The following SEC23IP variants were observed in gnomAD, a reference collection of about 807,000 sequenced individuals.
SEC23IP encodes the protein SEC23-interacting protein.
SEC23IP carries 70 observed loss-of-function variants against 113.4 expected under a neutral mutation model. The observed-to-expected ratio is 0.62, with a 90% CI of 0.51 to 0.75. The LOEUF (loss-of-function observed/expected upper bound fraction) is 0.75, where lower values mean the gene tolerates loss of function less well. Ranked by LOEUF, SEC23IP falls within the 30% of genes least tolerant of loss-of-function variation. The probability of loss-of-function intolerance (pLI) is 0.00; values close to 1 mark genes in which losing one functional copy is unlikely to be tolerated. For missense variants in SEC23IP, 1,160 were observed against 1,204.9 expected (o/e 0.96, Z 0.55); for synonymous variants, 398 against 421.0 (o/e 0.95, Z 0.67).
chr10:119,919,138 C>T (rs1369758565), intron 10 of SEC23IP, among the ~76,000 whole-genome samples: 6 of 151,758 alleles, frequency 4.0e-5, no homozygotes, highest in African/African-American at 1.2e-4. Context: ...GGATTACAGG[C>T]GCCTGCCACC....
rs758298957 is a variant in SEC23IP at position 119,904,288 on chromosome 10, T to G, written c.1101+11T>G. ...AGTGAAAAACTAGAGGTACGGGTGC[T>G]TTATTTCTTTATGAGTTTCTTTAAA... On this transcript the variant is annotated intron_variant, in intron 4 of 18. Coordinates refer to ENST00000369075, the MANE Select transcript of SEC23IP (RefSeq NM_007190.4). 7.4e-6 allele frequency: 12 copies of G among 1,611,306 alleles called. No homozygotes were observed. The South Asian group carries it at 1.3e-4, about 18-fold the overall frequency.
chr10:119,936,097 T>C (rs951982758), intron 18 of SEC23IP, among the ~76,000 whole-genome samples: 1 of 152,230 alleles, frequency 6.6e-6, no homozygotes, highest in African/African-American at 2.4e-5. Context: ...ATAGTTCTTT[T>C]ATTAAAATAC....
chr10:119,895,486 ATG>A (rs892253943), intron 1 of SEC23IP, among the ~76,000 whole-genome samples: 40 of 152,238 alleles, frequency 2.6e-4, no homozygotes, highest in Non-Finnish European at 5.9e-4. Flanking sequence ...ACTGCACAGT[ATG>A]TGTGTATACA....
intron 18 of SEC23IP, among the ~76,000 whole-genome samples, chr10:119,934,796 T>C (rs1191303572): frequency 6.6e-6 from 1 of 152,188 alleles, no homozygotes; most frequent in Non-Finnish European, 1.5e-5. Flanking sequence ...TTAGAGAAAG[T>C]TTTTTGGCTC....
chr10:119,925,456 T>G (rs1855389616), intron 12 of SEC23IP, among the ~76,000 whole-genome samples: 1 of 152,260 alleles, frequency 6.6e-6, no homozygotes, highest in South Asian at 2.1e-4. Flanking sequence ...ATTATTTTTC[T>G]TAAGAATTTT....
rs756330451 is a variant in SEC23IP at position 119,933,097 on chromosome 10, G to A, written c.2851G>A (p.Val951Ile). Residue 951 changes from valine (V) to isoleucine (I), a missense_variant, in exon 17 of 19, where the codon GTT (valine) becomes ATT (isoleucine). Transcript: ENST00000369075. ...MLNGGRRIDY[V>I]LQEKPIESFN... is the part of the protein sequence containing the mutation. Reference sequence around the variant, plus strand: ...AAATGGAGGCCGCCGAATTGACTACGTTCTCCAAGAAAAACCAATAGAGAG... The same window carrying A: ...AAATGGAGGCCGCCGAATTGACTACATTCTCCAAGAAAAACCAATAGAGAG... 6 of 1,613,914 alleles carry A rather than the reference G, an allele frequency of 3.7e-6. No individual in the cohort carries two copies. The highest frequency in any genetic ancestry group is 2.2e-5 in the East Asian group (1 of 44,878).
chr10:119,897,007 G>A (rs1854304127), intron 1 of SEC23IP, among the ~76,000 whole-genome samples: 1 of 152,220 alleles, frequency 6.6e-6, no homozygotes, highest in South Asian at 2.1e-4. Flanking sequence ...TTAAACTGAT[G>A]TGTGTAAATA....
chr10:119,932,368 A>G (rs367953181), intron 16 of SEC23IP, 50 bp downstream of exon 16: 1 of 1,393,708 alleles, frequency 7.2e-7, no homozygotes, highest in Admixed American at 1.9e-5. Flanking sequence ...TCATATGAAC[A>G]TAATACTTAA....
intron 11 of SEC23IP, among the ~76,000 whole-genome samples, 181 bp downstream of exon 11, chr10:119,919,777 A>G (rs1383510816): frequency 6.6e-6 from 1 of 152,232 alleles, no homozygotes. Flanking sequence ...TCTGAGTATG[A>G]TGCAAAATCC....
chr10:119,927,714 C>A lies in SEC23IP; in HGVS notation c.2313+1487C>A, dbSNP rs150512874. Among the ~76,000 whole-genome samples the A allele has an allele frequency of 3.0e-4, 45 of 152,312 alleles. 1 individual carries two copies. In the South Asian group the frequency reaches 8.9e-3, roughly 30 times the overall value. ...TATGAGGTATTAGGGGTTAGGACTT[C>A]AACATAAATGTTTTGTGAGGACACA... On this transcript the variant is annotated intron_variant, in intron 13 of 18. Transcript: ENST00000369075.
intron 14 of SEC23IP, among the ~76,000 whole-genome samples, chr10:119,929,977 G>T (rs1420332837): frequency 1.3e-5 from 2 of 152,104 alleles, no homozygotes; most frequent in Non-Finnish European, 2.9e-5. Context: ...AGAAGATGAA[G>T]AACCTGTCCT....
chr10:119,901,834 G>T (rs1473542104), intron 2 of SEC23IP, among the ~76,000 whole-genome samples: 1 of 152,032 alleles, frequency 6.6e-6, no homozygotes, highest in African/African-American at 2.4e-5. Flanking sequence ...TTGCAGGCCT[G>T]TGCCACCACG....
At chr10:119,908,423 GTCTCAGAATGTGACCTTATT>G (rs1219006322) in intron 4 of SEC23IP, among the ~76,000 whole-genome samples, 12 of 152,148 alleles carry the variant, frequency 7.9e-5, no homozygotes, top group Non-Finnish European at 1.3e-4. Flanking sequence ...AATCCCCAGT[GTCTCAGAATGTGACCTTATT>G]TGGAAATAGG....
intron 2 of SEC23IP, 35 bp downstream of exon 2, chr10:119,898,994 C>T: frequency 6.8e-7 from 1 of 1,467,596 alleles, no homozygotes; most frequent in South Asian, 1.3e-5. Flanking sequence ...TACTTATTCA[C>T]TCTGTGTCTT....
At chr10:119,939,890 T>C (rs903899031) in intron 18 of SEC23IP, among the ~76,000 whole-genome samples, 1 of 151,988 alleles carries the variant, frequency 6.6e-6, no homozygotes, top group Non-Finnish European at 1.5e-5. Flanking sequence ...AGAGACAGGG[T>C]TCCCCCAAGT....
Position 119,907,638 on chromosome 10 carries a change from T to A in SEC23IP, c.1102-1403T>A, listed in dbSNP as rs138973700. On this transcript the variant is annotated intron_variant, in intron 4 of 18. Transcript: ENST00000369075. ...GATTCAACCAAATACTCTGAAAATA[T>A]TTAGAAAACCACAACAATAAAAATA... Among the ~76,000 whole-genome samples the A allele has an allele frequency of 3.0e-3, 454 of 152,116 alleles. 3 individuals are homozygous for A. Among genetic ancestry groups the A allele is most frequent in the African/African-American group, 0.01 (417 of 41,506 alleles).
At chr10:119,904,460 G>A (rs1187432909) in intron 4 of SEC23IP, 183 bp downstream of exon 4, 3 of 589,174 alleles carry the variant, frequency 5.1e-6, no homozygotes, top group African/African-American at 1.9e-5. Context: ...CGTGGCATCT[G>A]TGTCTAAAGA....
chr10:119,930,354 A>G lies in SEC23IP; in HGVS notation c.2495A>G (p.Glu832Gly), dbSNP rs755489376. 2 of 1,607,518 alleles carry G rather than the reference A, an allele frequency of 1.2e-6. No individual in the cohort carries two copies. The highest frequency in any genetic ancestry group is 1.7e-6 in the Non-Finnish European group (2 of 1,174,858). ...HPLDPVAYRL[E>G]PMIVPDLDLK... ...CTTGATCCAGTGGCATATAGATTAG[A>G]ACCTATGATTGTTCCAGATTTGGAC... The change falls in exon 15 of 19, where the codon GAA (glutamate) becomes GGA (glycine). Residue 832 changes from glutamate (E) to glycine (G), a missense_variant. Glu to Gly is a moderately conservative substitution (Grantham distance 98). Transcript: ENST00000369075.
intron 2 of SEC23IP, among the ~76,000 whole-genome samples, chr10:119,902,247 T>G (rs1474047842): frequency 2.6e-5 from 4 of 152,060 alleles, no homozygotes; most frequent in African/African-American, 9.7e-5. Flanking sequence ...TCCCAGCTAC[T>G]TGGGAGGCTG....
Sources: gnomAD v4.1 joint callset for allele counts (sites outside exome capture counted in the v4.1 genomes callset) on GRCh38, gnomAD v4.1.1 for gene constraint, MANE v1.5 for transcripts, NCBI Gene and HGNC (gene_info 2026-07-23, HGNC 2026-07-21) for gene names.